The following XDH variants were observed in gnomAD, a reference collection of about 807,000 sequenced individuals.
The protein encoded by XDH is xanthine dehydrogenase, also known as xanthine dehydrogenase/oxidase.
Under a neutral mutation model 156.1 loss-of-function variants are expected in XDH, and 138 were observed. The ratio of observed to expected loss-of-function variants is 0.88; its 90% CI spans 0.77 to 1.02. The LOEUF (loss-of-function observed/expected upper bound fraction) is 1.02. Ranked by LOEUF, XDH falls within the 50% of genes least tolerant of loss-of-function variation. The pLI is 0.00. For synonymous variants in XDH, 669 were observed against 625.7 expected (o/e 1.07, Z -1.03); for missense variants, 1,849 against 1,684.9 (o/e 1.10, Z -1.71).
chr2:31,347,533 G>C lies in XDH; in HGVS notation c.3265C>G (p.Gln1089Glu), dbSNP rs750640886. 1 of 1,613,996 alleles carries C rather than the reference G, an allele frequency of 6.2e-7. No individual in the cohort carries two copies. Among genetic ancestry groups the C allele is most frequent in the South Asian group, 1.1e-5 (1 of 91,066 alleles). Residue 1089 changes from glutamine to glutamate, a missense_variant, in exon 29 of 36, where the codon CAG becomes GAG. Physicochemically the swap from Gln to Glu is conservative, Grantham distance 29 (BLOSUM62 2). Transcript: ENST00000379416. Reference sequence around the variant, plus strand: ...CATGGGCTCCTTACATAGACGGCCTGTCCATTGAGGTCAGCGCTGACAGAG... The same window carrying C: ...CATGGGCTCCTTACATAGACGGCCTCTCCATTGAGGTCAGCGCTGACAGAG... ...AASVSADLNG[Q>E]AVYAACQTIL...
rs1365775355 is a variant in XDH, at chr2:31,366,081, G to A, written c.2351C>T (p.Pro784Leu). 4 of 1,614,148 alleles carry A rather than the reference G, an allele frequency of 2.5e-6. No individual in the cohort carries two copies. Among genetic ancestry groups the A allele is most frequent in the Non-Finnish European group, 3.4e-6 (4 of 1,180,040 alleles). Residue 784 changes from proline (P) to leucine (L), a missense_variant, in exon 22 of 36, where the codon CCA becomes CTA. By Grantham distance (98) the Pro-to-Leu change is moderately conservative. Coordinates refer to ENST00000379416, the MANE Select transcript of XDH (RefSeq NM_000379.4). ...QSFVAKMLGVPANRIVVRVKR... is the reference protein window; with the variant it reads ...QSFVAKMLGVLANRIVVRVKR... ...CACTCGAACCACAATCCGGTTTGCT[G>A]GAACCCCCAACATTTTTGCAACAAA... is the stretch of plus-strand genomic sequence containing the variant.
intron 6 of XDH, among the ~76,000 whole-genome samples, chr2:31,395,392 T>A (rs1686876222): frequency 2.0e-5 from 3 of 152,024 alleles, no homozygotes; most frequent in Admixed American, 2.0e-4. Flanking sequence ...TAGGCGAGGA[T>A]CTAATATAAC....
chr2:31,412,000 G>A (rs757396760), intron 1 of XDH, among the ~76,000 whole-genome samples: 1 of 151,132 alleles, frequency 6.6e-6, no homozygotes, highest in Non-Finnish European at 1.5e-5. Context: ...TCACCGTGAC[G>A]ATCTCTGTAG....
chr2:31,398,843 C>A, intron 4 of XDH, 144 bp from the exon 5 acceptor site: 1 of 1,358,466 alleles, frequency 7.4e-7, no homozygotes, highest in Non-Finnish European at 1.0e-6. Context: ...CACCATTTAC[C>A]AACTGTGACC....
In XDH at chr2:31,335,113, C is replaced by T. The variant is rs1684940533; in HGVS notation, c.*845G>A. On this transcript the variant is annotated 3_prime_UTR_variant, in exon 36 of 36. Transcript: ENST00000379416. ...CTCAAACTGCTGGGCTCAAGCAATT[C>T]TCCTGCCTTAGCCTCCCAAAGTGCT... 6.6e-6 allele frequency: 1 copy of T among 152,230 alleles called. No individual in the cohort carries two copies. The highest frequency in any genetic ancestry group is 2.1e-4 in the South Asian group (1 of 4,826). The allele number at this position is 152,230 out of a possible 1,614,324, so 9.4% of individuals were successfully genotyped here.
At chr2:31,368,428 C>A (rs1685979569) in intron 19 of XDH, 113 bp downstream of exon 19, 1 of 1,371,320 alleles carries the variant, frequency 7.3e-7, no homozygotes, top group East Asian at 2.4e-5. Flanking sequence ...ATTTAAAAAC[C>A]CATCTAGTCA....
At chr2:31,349,599 A>G in intron 26 of XDH, 87 bp downstream of exon 26, 5 of 1,532,682 alleles carry the variant, frequency 3.3e-6, no homozygotes, top group East Asian at 2.3e-5. Context: ...TATCCATTGA[A>G]TTATTAGCTT....
Position 31,386,287 on chromosome 2 carries a change from T to C in XDH, c.793+127A>G, listed in dbSNP as rs545547976. 2.2e-5 allele frequency: 28 copies of C among 1,287,242 alleles called. No individual in the cohort carries two copies. In the African/African-American group the frequency reaches 3.1e-4, roughly 14 times the overall value. The allele number at this position is 1,287,242 out of a possible 1,614,324, so 79.7% of individuals were successfully genotyped here. A position where few individuals can be genotyped will look rare whatever the true frequency, so the allele number is the denominator to read the frequency against. ...CCAGGGATTTCCAGTGGGCTCCAGG[T>C]AGTCAGTGGGGCAGAGGGATAGGGT... On this transcript the variant is annotated intron_variant, in intron 9 of 35. Coordinates refer to ENST00000379416, the MANE Select transcript of XDH (RefSeq NM_000379.4).
rs538470807 is a variant in XDH, at chr2:31,407,028, T to C, written c.43-1064A>G. Reference sequence around the variant, plus strand: ...ACCGATTTCAGTACTCTTCACACATTACCAAAGCTTAAAAGGGTGTATATT... The same window carrying C: ...ACCGATTTCAGTACTCTTCACACATCACCAAAGCTTAAAAGGGTGTATATT... On this transcript the variant is annotated intron_variant, in intron 1 of 35. Coordinates refer to ENST00000379416, the MANE Select transcript of XDH (RefSeq NM_000379.4). 1.2e-4 allele frequency among the ~76,000 whole-genome samples: 19 copies of C among 152,348 alleles called. No homozygotes were observed. The South Asian group carries it at 3.9e-3, about 32-fold the overall frequency.
At position 31,366,986 on chromosome 2, in the gene XDH, A is replaced by AT. The variant is rs141470276; in HGVS notation, c.2205dup (p.Tyr736IlefsTer84). On this transcript the variant is annotated frameshift_variant, in exon 21 of 36. Transcript: ENST00000379416. LOFTEE classifies it high-confidence loss of function. ...TAGAAGTGCTCTTGGCCACCGATGT[A>AT]TATCTCCCCTGGGGAAGCAGTGAGA... 1 of 1,614,086 alleles carries AT rather than the reference A, an allele frequency of 6.2e-7. No individual in the cohort carries two copies. The highest frequency in any genetic ancestry group is 1.3e-5 in the African/African-American group (1 of 75,062).
At chr2:31,359,654 G>A (rs1169970246) in intron 24 of XDH, among the ~76,000 whole-genome samples, 1 of 152,152 alleles carries the variant, frequency 6.6e-6, no homozygotes, top group Admixed American at 6.5e-5. Context: ...GATTCACAAT[G>A]ACAGAGTGAG....
chr2:31,388,483 C>T (rs1404996171), intron 6 of XDH, among the ~76,000 whole-genome samples, 188 bp from the exon 7 acceptor site: 9 of 152,214 alleles, frequency 5.9e-5, no homozygotes, highest in African/African-American at 1.4e-4. Flanking sequence ...GCTTGGCTAA[C>T]GTAGATTAAA....
Position 31,377,198 on chromosome 2 carries a change from C to T in XDH, c.1282G>A (p.Glu428Lys), listed in dbSNP as rs1050893739. 2 of 1,614,030 alleles carry T rather than the reference C, an allele frequency of 1.2e-6. No individual in the cohort carries two copies. Among genetic ancestry groups the T allele is most frequent in the African/African-American group, 2.7e-5 (2 of 74,894 alleles). The change falls in exon 14 of 36, where the codon GAA becomes AAA. Residue 428 changes from glutamate to lysine, a missense_variant. Coordinates refer to ENST00000379416, the MANE Select transcript of XDH (RefSeq NM_000379.4). The stretch of plus-strand genomic sequence containing the variant: ...CTGGTTACCTTGGCAATGTCATCTT[C>T]TCTCCGGGAGGCCTGCTTGAATGCT... Reference protein sequence around the residue: ...FSAFKQASRREDDIAKVTSGM... With the variant: ...FSAFKQASRRKDDIAKVTSGM...
At chr2:31,378,095 AAAGAAAGAAAGAAAGGAAGGAAGGAAGG>A (rs1686305476) in intron 13 of XDH, among the ~76,000 whole-genome samples, 70 of 50,544 alleles carry the variant, frequency 1.4e-3, no homozygotes, top group African/African-American at 5.9e-3. Flanking sequence ...AGAAAGAAAG[AAAGAAAGAAAGAAAGGAAGGAAGGAAGG>A]AAGGAAGGAA....
At chr2:31,382,771 C>A (rs1290184995) in intron 11 of XDH, among the ~76,000 whole-genome samples, 1 of 152,166 alleles carries the variant, frequency 6.6e-6, no homozygotes, top group Non-Finnish European at 1.5e-5. Flanking sequence ...GCCCCACAGA[C>A]CACCTTCATC....
Position 31,370,442 on chromosome 2 carries a change from C to T in XDH, c.1893G>A (p.Gly631=), listed in dbSNP as rs368579545. The T allele has an allele frequency of 3.1e-6, 5 of 1,614,040 alleles. No homozygotes were observed. The highest frequency in any genetic ancestry group is 1.7e-5 in the Admixed American group (1 of 59,994). The change falls in exon 18 of 36, where the codon GGG becomes GGA. Residue 631 remains glycine, a synonymous_variant. Transcript: ENST00000379416. ...IDTSEAKKVP[G]FVCFISADDV... Reference sequence around the variant, plus strand: ...CATCAGCGGAAATGAAACAAACAAACCCTGGAACCTTCTTAGCTTCTGATG... The same window carrying T: ...CATCAGCGGAAATGAAACAAACAAATCCTGGAACCTTCTTAGCTTCTGATG...
Position 31,335,910 on chromosome 2 carries a change from A to T in XDH, c.*48T>A, listed in dbSNP as rs375679688. ...TTCTGTGGTATGTTCCTCCTGCTCC[A>T]TGGAAGCCCAAAGGCAGCACAAGAA... On this transcript the variant is annotated 3_prime_UTR_variant, in exon 36 of 36. Transcript: ENST00000379416. 6.2e-7 allele frequency: 1 copy of T among 1,601,258 alleles called. No individual in the cohort carries two copies. Among genetic ancestry groups the T allele is most frequent in the Non-Finnish European group, 8.6e-7 (1 of 1,168,230 alleles).
chr2:31,342,140 C>T, intron 32 of XDH, 43 bp downstream of exon 32: 1 of 1,549,880 alleles, frequency 6.5e-7, no homozygotes, highest in Non-Finnish European at 8.9e-7. Context: ...AGTTGTTTCT[C>T]TTCTCTTTCC....
intron 1 of XDH, among the ~76,000 whole-genome samples, chr2:31,408,689 AT>A (rs1687258416): frequency 6.6e-6 from 1 of 152,206 alleles, no homozygotes; most frequent in African/African-American, 2.4e-5. Context: ...AGAATCATCA[AT>A]GGAAATTAGT....
Sources: allele counts gnomAD v4.1 joint callset (sites outside exome capture counted in the v4.1 genomes callset), GRCh38; gene constraint gnomAD v4.1.1; transcripts MANE v1.5; gene names NCBI Gene and HGNC (gene_info 2026-07-23, HGNC 2026-07-21).